The following TAS2R1 variants were observed in gnomAD, a reference collection of about 807,000 sequenced individuals.
TAS2R1 encodes taste 2 receptor member 1.
For synonymous variants in TAS2R1, 141 were observed against 134.2 expected, an observed-to-expected ratio of 1.05 and a Z score of -0.35; for missense variants, 370 against 353.4, an observed-to-expected ratio of 1.05 and a Z score of -0.38.
the TAS2R1 span, among the ~76,000 whole-genome samples, chr5:9,859,860 C>G: frequency 2.0e-5 from 3 of 152,186 alleles, no homozygotes; most frequent in Admixed American, 1.3e-4. Flanking sequence ...TAATTCTTAC[C>G]TCTCTCACAG....
chr5:9,660,391 CAG>C (rs1260622641), intron 1 of TAS2R1, among the ~76,000 whole-genome samples: 2 of 151,996 alleles, frequency 1.3e-5, no homozygotes, highest in African/African-American at 2.4e-5. Flanking sequence ...TATTTCTAAA[CAG>C]ATAAAAAATA....
At chr5:9,633,669 T>C (rs1739918669), upstream of TAS2R1, among the ~76,000 whole-genome samples, 1 of 152,092 alleles carries the variant, frequency 6.6e-6, no homozygotes, top group Non-Finnish European at 1.5e-5. Context: ...TATCTCATAG[T>C]GGTTTTAATT....
chr5:9,716,733 A>T (rs1227809992), upstream of TAS2R1, among the ~76,000 whole-genome samples: 1 of 152,130 alleles, frequency 6.6e-6, no homozygotes, highest in Non-Finnish European at 1.5e-5. Context: ...ATCTATGATC[A>T]TGCATAAGTC....
intron 2 of TAS2R1, chr5:9,658,352 C>G (rs1331173745): frequency 6.6e-6 from 1 of 152,172 alleles, no homozygotes; most frequent in Non-Finnish European, 1.5e-5. Flanking sequence ...ACAATGCAAA[C>G]GCACGCATTA....
At chr5:9,789,254 C>A in the TAS2R1 span, among the ~76,000 whole-genome samples, 1 of 152,146 alleles carries the variant, frequency 6.6e-6, no homozygotes, top group Non-Finnish European at 1.5e-5. Context: ...GCAAGGTGAC[C>A]AGAGGAAGCT....
the TAS2R1 span, among the ~76,000 whole-genome samples, chr5:9,792,037 A>G: frequency 2.0e-5 from 3 of 152,186 alleles, no homozygotes; most frequent in Admixed American, 2.0e-4. Flanking sequence ...GTGGGATAAC[A>G]AGGACTTCGG....
intron 1 of TAS2R1, among the ~76,000 whole-genome samples, chr5:9,691,870 A>G (rs1741254677): frequency 6.6e-6 from 1 of 152,206 alleles, no homozygotes; most frequent in African/African-American, 2.4e-5. Context: ...ATAATGAAGC[A>G]GAGAATCAGG....
intron 1 of TAS2R1, among the ~76,000 whole-genome samples, chr5:9,683,470 A>C (rs886900053): frequency 1.4e-4 from 22 of 152,198 alleles, no homozygotes; most frequent in Non-Finnish European, 3.1e-4. Flanking sequence ...CCTCGAGGCC[A>C]GTGGCTTTAC....
the TAS2R1 span, among the ~76,000 whole-genome samples, chr5:9,738,462 TCTTTA>T: frequency 2.6e-5 from 4 of 152,136 alleles, no homozygotes; most frequent in African/African-American, 7.2e-5. Context: ...CAAAGCACAT[TCTTTA>T]CTTTGAGTCC....
the TAS2R1 span, among the ~76,000 whole-genome samples, chr5:9,762,607 T>C: frequency 6.6e-6 from 1 of 152,228 alleles, no homozygotes; most frequent in South Asian, 2.1e-4. Flanking sequence ...GGTTTCTGTG[T>C]GAAAATCTGC....
At chr5:9,650,905 T>G (rs1740292105) in intron 2 of TAS2R1, among the ~76,000 whole-genome samples, 1 of 152,170 alleles carries the variant, frequency 6.6e-6, no homozygotes, top group South Asian at 2.1e-4. Flanking sequence ...GCTCACAAAT[T>G]TTTATGGAAT....
the TAS2R1 span, among the ~76,000 whole-genome samples, chr5:9,772,688 G>A: frequency 6.6e-6 from 1 of 152,020 alleles, no homozygotes; most frequent in African/African-American, 2.4e-5. Context: ...CCAGTGTTGG[G>A]TGCATATGTA....
the TAS2R1 span, among the ~76,000 whole-genome samples, chr5:9,811,731 C>A: frequency 6.6e-6 from 1 of 152,100 alleles, no homozygotes; most frequent in African/African-American, 2.4e-5. Context: ...CCAATGAAAC[C>A]CAGGTTTAGA....
the TAS2R1 span, among the ~76,000 whole-genome samples, chr5:9,759,494 G>A: frequency 1.3e-5 from 2 of 152,240 alleles, no homozygotes; most frequent in African/African-American, 4.8e-5. Flanking sequence ...ACAGAATTTG[G>A]GTGGAATCCA....
the TAS2R1 span, among the ~76,000 whole-genome samples, chr5:9,762,646 T>C: frequency 3.9e-5 from 6 of 152,364 alleles, no homozygotes; most frequent in East Asian, 1.2e-3. Flanking sequence ...CCTTGAGTCC[T>C]GGTGTTTAAA....
chr5:9,885,043 A>G, the TAS2R1 span, among the ~76,000 whole-genome samples: 1 of 152,180 alleles, frequency 6.6e-6, no homozygotes, highest in African/African-American at 2.4e-5. Context: ...TACATAAACT[A>G]ACTCTTTCAA....
At chr5:9,692,902 A>T (rs1469014732) in intron 1 of TAS2R1, among the ~76,000 whole-genome samples, 1 of 152,140 alleles carries the variant, frequency 6.6e-6, no homozygotes, top group African/African-American at 2.4e-5. Context: ...ACCAAGGAAG[A>T]TGACAATATC....
At position 9,653,175 on chromosome 5, in the gene TAS2R1, T is replaced by C. The variant is rs1396879426; in HGVS notation, c.-81+6246A>G. Among the ~76,000 whole-genome samples the C allele has an allele frequency of 3.3e-5, 5 of 152,254 alleles. No homozygotes were observed. In the East Asian group the frequency reaches 9.6e-4, roughly 29 times the overall value. On this transcript the variant is annotated intron_variant, in intron 2 of 2. Transcript: ENST00000506620. Reference sequence around the variant, plus strand: ...TGTGACTAGCTTATTTCACTTGGCATGTTGTCCTTCAGAATCACCCAAGTT... The same window carrying C: ...TGTGACTAGCTTATTTCACTTGGCACGTTGTCCTTCAGAATCACCCAAGTT...
chr5:9,885,149 T>A, the TAS2R1 span, among the ~76,000 whole-genome samples: 1 of 152,220 alleles, frequency 6.6e-6, no homozygotes, highest in East Asian at 1.9e-4. Flanking sequence ...TGAGCTGGGA[T>A]TCAAACCCCA....
Sources: gnomAD v4.1 joint callset for allele counts (sites outside exome capture counted in the v4.1 genomes callset) on GRCh38, gnomAD v4.1.1 for gene constraint, MANE v1.5 for transcripts, NCBI Gene and HGNC (gene_info 2026-07-23, HGNC 2026-07-21) for gene names.